Variants in AKT3 observed in about 807,000 individuals in gnomAD.
The protein encoded by AKT3 is RAC-gamma serine/threonine-protein kinase.
Under a neutral mutation model 65.3 loss-of-function variants are expected in AKT3, and 15 were observed. That is an observed-to-expected ratio of 0.23 (90% CI 0.15 to 0.35). The LOEUF is 0.35. AKT3 is among the 10% of genes least tolerant of loss of function. The probability of loss-of-function intolerance (pLI) is 1.00; values close to 1 mark genes in which losing one functional copy is unlikely to be tolerated. For synonymous variants in AKT3, 206 were observed against 183.8 expected, an observed-to-expected ratio of 1.12 and a Z score of -0.98; for missense variants, 243 against 576.5, an observed-to-expected ratio of 0.42 and a Z score of 5.92.
At chr1:243,540,398 G>A (rs980271202) in intron 12 of AKT3, among the ~76,000 whole-genome samples, 2 of 152,082 alleles carry the variant, frequency 1.3e-5, no homozygotes, top group Non-Finnish European at 2.9e-5. Context: ...ACCCATTCAT[G>A]ATTTTAAAAA....
At chr1:243,640,367 T>C (rs1253595335) in intron 5 of AKT3, among the ~76,000 whole-genome samples, 3 of 152,302 alleles carry the variant, frequency 2.0e-5, no homozygotes, top group Middle Eastern at 3.4e-3. Context: ...TGTATGCACA[T>C]TCCACTCTTC....
rs547151405 is a variant in AKT3, at chr1:243,772,804, C to T, written c.46+70321G>A. On this transcript the variant is annotated intron_variant, in intron 2 of 13. Coordinates refer to ENST00000673466, the MANE Select transcript of AKT3 (RefSeq NM_005465.7). Reference sequence around the variant, plus strand: ...AACCAATCCAAATGTCCAACAATGACAGACTGGATTAAGAAAATGTGGCAC... The same window carrying T: ...AACCAATCCAAATGTCCAACAATGATAGACTGGATTAAGAAAATGTGGCAC... 3.3e-5 allele frequency among the ~76,000 whole-genome samples: 5 copies of T among 152,120 alleles called. No individual in the cohort carries two copies. The East Asian group carries it at 5.8e-4, about 18-fold the overall frequency.
At chr1:243,639,466 G>C (rs1033594795) in intron 5 of AKT3, among the ~76,000 whole-genome samples, 4 of 152,094 alleles carry the variant, frequency 2.6e-5, no homozygotes, top group Non-Finnish European at 5.9e-5. Flanking sequence ...GGTAAAACAG[G>C]ATACAGTAAA....
At chr1:243,787,079 G>A (rs1190004198) in intron 2 of AKT3, among the ~76,000 whole-genome samples, 1 of 152,156 alleles carries the variant, frequency 6.6e-6, no homozygotes, top group Non-Finnish European at 1.5e-5. Context: ...AGAAAACCTT[G>A]GTCCCAGAGT....
intron 1 of AKT3, among the ~76,000 whole-genome samples, chr1:243,846,969 G>T (rs986609585): frequency 6.6e-6 from 1 of 152,144 alleles, no homozygotes; most frequent in Non-Finnish European, 1.5e-5. Context: ...TGCTTACCAG[G>T]CATTGGTTAG....
At chr1:243,725,688 G>A (rs531557149) in intron 2 of AKT3, among the ~76,000 whole-genome samples, 2 of 152,056 alleles carry the variant, frequency 1.3e-5, no homozygotes, top group Non-Finnish European at 2.9e-5. Flanking sequence ...AGGTCACTTT[G>A]ACTACTTCAA....
chr1:243,780,033 A>G (rs536195458), intron 2 of AKT3, among the ~76,000 whole-genome samples: 1 of 152,250 alleles, frequency 6.6e-6, no homozygotes, highest in African/African-American at 2.4e-5. Flanking sequence ...TTAGAAAACT[A>G]CCATAAATCA....
intron 2 of AKT3, among the ~76,000 whole-genome samples, chr1:243,752,233 A>G (rs1345600243): frequency 6.6e-6 from 1 of 152,216 alleles, no homozygotes; most frequent in Non-Finnish European, 1.5e-5. Context: ...AATCAGGCAT[A>G]TATGCATCTG....
At chr1:243,832,619 T>C (rs1694609281) in intron 2 of AKT3, among the ~76,000 whole-genome samples, 1 of 152,176 alleles carries the variant, frequency 6.6e-6, no homozygotes, top group Admixed American at 6.5e-5. Context: ...GAGCTACAAA[T>C]GAGATTCGCA....
chr1:243,819,689 T>C (rs1014992965), intron 2 of AKT3, among the ~76,000 whole-genome samples: 1 of 152,148 alleles, frequency 6.6e-6, no homozygotes, highest in African/African-American at 2.4e-5. Flanking sequence ...GCCTCCTGAC[T>C]GAGAGAGACC....
intron 2 of AKT3, among the ~76,000 whole-genome samples, chr1:243,745,566 G>T (rs961121272): frequency 6.6e-6 from 1 of 152,166 alleles, no homozygotes; most frequent in Admixed American, 6.5e-5. Context: ...TCTGGAATGA[G>T]AATTTGTCCC....
At chr1:243,555,866 G>T (rs1673371842) in intron 10 of AKT3, among the ~76,000 whole-genome samples, 1 of 152,070 alleles carries the variant, frequency 6.6e-6, no homozygotes, top group African/African-American at 2.4e-5. Context: ...CAACATTACT[G>T]ACTTGTAAAT....
At chr1:243,650,204 A>C (rs1467677398) in intron 4 of AKT3, among the ~76,000 whole-genome samples, 2 of 152,248 alleles carry the variant, frequency 1.3e-5, no homozygotes, top group South Asian at 4.2e-4. Context: ...GGCTGCATAA[A>C]TGTCTTTTGA....
chr1:243,594,344 T>C (rs1571997561), intron 8 of AKT3, among the ~76,000 whole-genome samples: 2 of 152,172 alleles, frequency 1.3e-5, no homozygotes, highest in East Asian at 3.8e-4. Flanking sequence ...GCAATCATAA[T>C]CAAAGTTACA....
Position 243,645,881 on chromosome 1 carries a change from A to C in AKT3, c.429+12T>G, listed in dbSNP as rs1382329734. The C allele has an allele frequency of 6.3e-7, 1 of 1,597,688 alleles. No homozygotes were observed. Among genetic ancestry groups the C allele is most frequent in the South Asian group, 1.1e-5 (1 of 88,118 alleles). On this transcript the variant is annotated intron_variant, in intron 5 of 13. Coordinates refer to ENST00000673466, the MANE Select transcript of AKT3 (RefSeq NM_005465.7). ...ATGAATGCTGTGCTGGGAATAAGTT[A>C]TTATTTTCTACCTTTCTTTTATGAT... is the stretch of plus-strand genomic sequence containing the variant.
rs572313068 is a variant in AKT3, at chr1:243,678,969, C to G, written c.173-14086G>C. On this transcript the variant is annotated intron_variant, in intron 3 of 13. Transcript: ENST00000673466. The stretch of plus-strand genomic sequence containing the variant: ...TTCTCCTTCCACCCGCTCCACATCT[C>G]TTCATCTCTGCCACCCGAGACAGAA... 2.0e-5 allele frequency among the ~76,000 whole-genome samples: 3 copies of G among 152,254 alleles called. No individual in the cohort carries two copies. In the East Asian group the frequency reaches 5.8e-4, roughly 29 times the overall value.
At chr1:243,512,740 A>AT (rs1423204647) in intron 12 of AKT3, among the ~76,000 whole-genome samples, 1 of 152,198 alleles carries the variant, frequency 6.6e-6, no homozygotes, top group Admixed American at 6.5e-5. Context: ...ATGCAAAACC[A>AT]TATTGATGGG....
At chr1:243,709,880 C>CA (rs918453197) in intron 2 of AKT3, among the ~76,000 whole-genome samples, 2 of 151,776 alleles carry the variant, frequency 1.3e-5, no homozygotes, top group African/African-American at 4.8e-5. Context: ...CTTGCTTGGC[C>CA]AAAAAAATAG....
chr1:243,781,604 T>A (rs1340709252), intron 2 of AKT3, among the ~76,000 whole-genome samples: 4 of 152,222 alleles, frequency 2.6e-5, no homozygotes, highest in African/African-American at 9.6e-5. Flanking sequence ...ATCAAATCTT[T>A]ATGGATTCCT....
Sources: gnomAD v4.1 joint callset for allele counts (sites outside exome capture counted in the v4.1 genomes callset) on GRCh38, gnomAD v4.1.1 for gene constraint, MANE v1.5 for transcripts, NCBI Gene and HGNC (gene_info 2026-07-23, HGNC 2026-07-21) for gene names.